The following ASXL1 variants were observed in gnomAD, a reference collection of about 807,000 sequenced individuals.
ASXL1 encodes ASXL transcriptional regulator 1.
A neutral mutation model predicts 89.1 loss-of-function variants in ASXL1; 65 were observed. The observed-to-expected ratio is 0.73, with a 90% CI of 0.60 to 0.90. The LOEUF is 0.90. Ranked by LOEUF, ASXL1 falls within the 40% of genes least tolerant of loss-of-function variation. ASXL1 has a pLI of 0.00. For missense variants in ASXL1, 1,786 were observed against 1,942.9 expected, an observed-to-expected ratio of 0.92 and a Z score of 1.52; for synonymous variants, 739 against 746.9, an observed-to-expected ratio of 0.99 and a Z score of 0.17.
intron 4 of ASXL1, among the ~76,000 whole-genome samples, chr20:32,370,086 G>A (rs993474159): frequency 3.9e-5 from 6 of 152,148 alleles, no homozygotes; most frequent in East Asian, 1.9e-4. Flanking sequence ...GTCAGCTAAT[G>A]TAAGACCTAC....
Position 32,437,777 on chromosome 20 carries a change from GGCCAGGAAAGAA to G in ASXL1, c.*445_*456del. 3.6e-6 allele frequency: 1 copy of G among 277,620 alleles called. No homozygotes were observed. Among genetic ancestry groups the G allele is most frequent in the Non-Finnish European group, 6.9e-6 (1 of 145,174 alleles). The allele number at this position is 277,620 out of a possible 1,614,324, so 17.2% of individuals were successfully genotyped here. ...TCTTCTGCTACTTTGGGGAGTTGATGGCCAGGAAAGAAGCCAGCACAGGGTTAAAGTAACTCC... is the reference window on the plus strand; with the variant it reads ...TCTTCTGCTACTTTGGGGAGTTGATGGCCAGCACAGGGTTAAAGTAACTCC... On this transcript the variant is annotated 3_prime_UTR_variant, in exon 13 of 13. Coordinates refer to ENST00000375687, the MANE Select transcript of ASXL1 (RefSeq NM_015338.6).
chr20:32,413,027 T>TG (rs1404039454), intron 4 of ASXL1, among the ~76,000 whole-genome samples: 1 of 151,942 alleles, frequency 6.6e-6, no homozygotes, highest in Non-Finnish European at 1.5e-5. Flanking sequence ...CATGAGGGAG[T>TG]GGTTATACTT....
chr20:32,433,054 A>G, intron 11 of ASXL1, 69 bp downstream of exon 11: 8 of 1,595,198 alleles, frequency 5.0e-6, no homozygotes, highest in Non-Finnish European at 6.8e-6. Flanking sequence ...GTCTCAAAAT[A>G]GCATATACTT....
chr20:32,428,422 G>A lies in ASXL1; in HGVS notation c.471G>A (p.Gln157=), dbSNP rs2011398812. 1 of 1,609,218 alleles carries A rather than the reference G, an allele frequency of 6.2e-7. No individual in the cohort carries two copies. The highest frequency in any genetic ancestry group is 2.2e-5 in the East Asian group (1 of 44,864). Residue 157 remains glutamine, a splice_region_variant and synonymous_variant, in exon 6 of 13, where the codon CAG becomes CAA. Coordinates refer to ENST00000375687, the MANE Select transcript of ASXL1 (RefSeq NM_015338.6). The part of the protein sequence containing the change: ...NPRDSYRASS[Q]ANKQKKKTGV... Reference sequence around the variant, plus strand: ...GGGACAGCTACAGAGCTTCCTCACAGGTAAGGAAGAGGTAGAGCCTAGCCT... The same window carrying A: ...GGGACAGCTACAGAGCTTCCTCACAAGTAAGGAAGAGGTAGAGCCTAGCCT...
intron 4 of ASXL1, among the ~76,000 whole-genome samples, chr20:32,378,980 A>G (rs1188219762): frequency 6.6e-6 from 1 of 151,480 alleles, no homozygotes; most frequent in Non-Finnish European, 1.5e-5. Context: ...ATAAAAAAAA[A>G]ACCTAGCCAG....
rs2123259611 is a variant in ASXL1 at position 32,433,539 on chromosome 20, C to T, written c.1341C>T (p.Pro447=). Reference sequence around the variant, plus strand: ...CAAAATCTGTGGCCTCAGATGTTCCCCTCTACAAGGATGGGGAGGCTAAGA... The same window carrying T: ...CAAAATCTGTGGCCTCAGATGTTCCTCTCTACAAGGATGGGGAGGCTAAGA... ...KDAKSVASDV[P]LYKDGEAKTD... Residue 447 remains proline (P), a synonymous_variant, in exon 12 of 13, where the codon CCC becomes CCT. Coordinates refer to ENST00000375687, the MANE Select transcript of ASXL1 (RefSeq NM_015338.6). The T allele has an allele frequency of 6.2e-7, 1 of 1,614,134 alleles. No individual in the cohort carries two copies. The highest frequency in any genetic ancestry group is 8.5e-7 in the Non-Finnish European group (1 of 1,180,024).
chr20:32,431,507 T>C (rs371158859), intron 9 of ASXL1, 23 bp downstream of exon 9: 1 of 1,613,964 alleles, frequency 6.2e-7, no homozygotes. Context: ...AGCCTCCCCT[T>C]TGCCTCTCTC....
In ASXL1 at chr20:32,435,157, G is replaced by A. The variant is rs746901241; in HGVS notation, c.2445G>A (p.Pro815=). 8.1e-6 allele frequency: 13 copies of A among 1,613,732 alleles called. No homozygotes were observed. Among genetic ancestry groups the A allele is most frequent in the East Asian group, 2.2e-5 (1 of 44,888 alleles). The change falls in exon 13 of 13, where the codon CCG becomes CCA. Residue 815 remains proline (P), a synonymous_variant. Coordinates refer to ENST00000375687, the MANE Select transcript of ASXL1 (RefSeq NM_015338.6). ...TTCCTGCAGACAATGGTCCCATTCC[G>A]TCTCTAGTGGGAGATGATACATTAG... ...PTVPADNGPI[P]SLVGDDTLEK... is the part of the protein sequence containing the mutation.
intron 4 of ASXL1, among the ~76,000 whole-genome samples, chr20:32,400,042 G>A (rs1170797748): frequency 6.6e-6 from 1 of 151,868 alleles, no homozygotes; most frequent in Admixed American, 6.6e-5. Context: ...GATTACAGGT[G>A]TGAGCCACCA....
chr20:32,418,676 C>T (rs1310054824), intron 4 of ASXL1, among the ~76,000 whole-genome samples: 1 of 152,148 alleles, frequency 6.6e-6, no homozygotes, highest in Non-Finnish European at 1.5e-5. Flanking sequence ...CAACTCCTCT[C>T]ATCTTGTTCT....
Position 32,429,310 on chromosome 20 carries a change from C to T in ASXL1, c.472-28C>T, listed in dbSNP as rs1295277288. 1.9e-6 allele frequency: 3 copies of T among 1,608,968 alleles called. No individual in the cohort carries two copies. The highest frequency in any genetic ancestry group is 4.5e-5 in the East Asian group (2 of 44,832). On this transcript the variant is annotated intron_variant, in intron 6 of 12. Transcript: ENST00000375687. The surrounding 1 kb of genome is among the most constrained non-coding windows in gnomAD (Gnocchi z 4.9). ...TTTGTGGCTCTGCAGTTGACTTGGG[C>T]TCTCTTTTGTTCTCTCTTGGAACGC...
rs754054210 is a variant in ASXL1, at chr20:32,436,060, G to A, written c.3348G>A (p.Leu1116=). 14 of 1,614,178 alleles carry A rather than the reference G, an allele frequency of 8.7e-6. No homozygotes were observed. The highest frequency in any genetic ancestry group is 1.1e-5 in the Non-Finnish European group (13 of 1,180,026). ...TGATGCAGTTGCTGCAGGGTAGCTTGCCCCTAGAGAAGGTTCTTCCACCAG... is the reference window on the plus strand; with the variant it reads ...TGATGCAGTTGCTGCAGGGTAGCTTACCCCTAGAGAAGGTTCTTCCACCAG... The part of the protein sequence containing the change: ...PLVMQLLQGS[L]PLEKVLPPAH... Residue 1116 remains leucine, a synonymous_variant, in exon 13 of 13, where the codon TTG becomes TTA. Transcript: ENST00000375687.
intron 4 of ASXL1, among the ~76,000 whole-genome samples, chr20:32,393,996 ATTTTT>A (rs11312197): frequency 2.0e-5 from 2 of 100,962 alleles, no homozygotes; most frequent in Non-Finnish European, 2.0e-5. Context: ...ACACCTGGCT[ATTTTT>A]TTTTTTTTTT....
chr20:32,429,706 G>A lies in ASXL1; in HGVS notation c.566-195G>A. The A allele has an allele frequency of 1.3e-6, 1 of 767,248 alleles. No individual in the cohort carries two copies. 47.5% of individuals were successfully genotyped at this position (767,248 alleles called of 1,614,324 possible). On this transcript the variant is annotated intron_variant, in intron 7 of 12. Coordinates refer to ENST00000375687, the MANE Select transcript of ASXL1 (RefSeq NM_015338.6). This position sits in a 1 kb window ranked among gnomAD's most constrained non-coding sequence, Gnocchi z 4.9. ...GTGTAGTGCTATACAAATAAAGATG[G>A]CAGTTTGGCACCTGTAAGGTGATAT...
intron 4 of ASXL1, among the ~76,000 whole-genome samples, chr20:32,390,747 T>G (rs2048656715): frequency 6.6e-6 from 1 of 152,214 alleles, no homozygotes; most frequent in Admixed American, 6.5e-5. Flanking sequence ...CACTGATTTG[T>G]TCTCTGTCCT....
Position 32,434,636 on chromosome 20 carries a change from G to A in ASXL1, c.1924G>A (p.Gly642Arg), listed in dbSNP as rs892732207. The part of the protein sequence containing the change: ...CHREAATTAI[G>R]GGGGPGGGGG... ...TAGAGAGGCGGCCACCACTGCCATC[G>A]GAGGGGGGGGTGGCCCGGGTGGAGG... is the stretch of plus-strand genomic sequence containing the variant. The change falls in exon 13 of 13, where the codon GGA (glycine) becomes AGA (arginine). Residue 642 changes from glycine (G) to arginine (R), a missense_variant. Gly to Arg is a moderately radical substitution (Grantham distance 125, BLOSUM62 -2). Coordinates refer to ENST00000375687, the MANE Select transcript of ASXL1 (RefSeq NM_015338.6). 6.2e-7 allele frequency: 1 copy of A among 1,607,628 alleles called. No homozygotes were observed.
intron 4 of ASXL1, among the ~76,000 whole-genome samples, chr20:32,395,844 G>A (rs2048751934): frequency 6.6e-6 from 1 of 152,042 alleles, no homozygotes; most frequent in South Asian, 2.1e-4. Context: ...TGTCACCCAG[G>A]CTGAAGTGCA....
intron 4 of ASXL1, among the ~76,000 whole-genome samples, chr20:32,416,010 A>G (rs1349418827): frequency 6.6e-6 from 1 of 152,210 alleles, no homozygotes; most frequent in African/African-American, 2.4e-5. Context: ...AGAAGATTCT[A>G]TATCGTAAAG....
Position 32,436,304 on chromosome 20 carries a change from G to A in ASXL1, c.3592G>A (p.Gly1198Arg), listed in dbSNP as rs1178916301. Residue 1198 changes from glycine (G) to arginine (R), a missense_variant, in exon 13 of 13, where the codon GGA becomes AGA. Gly to Arg is a moderately radical substitution (Grantham distance 125). Around this residue, in one of 3 missense-constraint regions of ASXL1, gnomAD observed 1,418 missense variants for 1,427.8 expected, o/e 0.99. Transcript: ENST00000375687. ...LARIEATQAP[G>R]APQKNCKAVP... ...CAGGATTGAGGCCACCCAGGCTCCT[G>A]GAGCACCCCAAAAGAATTGCAAGGC... 6.2e-7 allele frequency: 1 copy of A among 1,614,126 alleles called. No homozygotes were observed. The highest frequency in any genetic ancestry group is 1.7e-5 in the Admixed American group (1 of 60,024).
Sources: allele counts gnomAD v4.1 joint callset (sites outside exome capture counted in the v4.1 genomes callset), GRCh38; gene constraint gnomAD v4.1.1; regional missense constraint gnomAD v4.1.1; non-coding constraint Gnocchi (gnomAD v3.1); transcripts MANE v1.5; gene names NCBI Gene and HGNC (gene_info 2026-07-23, HGNC 2026-07-21).